Variants in GYS1 observed in about 807,000 individuals in gnomAD.
The protein encoded by GYS1 is glycogen [starch] synthase, muscle.
A neutral mutation model predicts 89.1 loss-of-function variants in GYS1; 60 were observed. The ratio of observed to expected loss-of-function variants is 0.67; its 90% confidence interval spans 0.55 to 0.84. GYS1 has a LOEUF of 0.84. GYS1 is among the 40% of genes least tolerant of loss of function. The pLI is 0.00. For synonymous variants in GYS1, 366 were observed against 401.7 expected, an observed-to-expected ratio of 0.91 and a Z score of 1.06; for missense variants, 888 against 1,003.1, an observed-to-expected ratio of 0.89 and a Z score of 1.55.
At chr19:48,988,012 C>T (rs1184163724) in intron 2 of GYS1, among the ~76,000 whole-genome samples, 1 of 152,180 alleles carries the variant, frequency 6.6e-6, no homozygotes, top group South Asian at 2.1e-4. Flanking sequence ...CTGTGTTAGC[C>T]AGGATGATCT....
chr19:48,971,725 T>C (rs533311362), intron 12 of GYS1, among the ~76,000 whole-genome samples: 35 of 151,814 alleles, frequency 2.3e-4, no homozygotes, highest in Non-Finnish European at 4.0e-4. Context: ...CAGTTAATTA[T>C]TGTATTTTTT....
At chr19:48,972,348 A>G (rs2038579231) in intron 12 of GYS1, among the ~76,000 whole-genome samples, 2 of 151,368 alleles carry the variant, frequency 1.3e-5, no homozygotes, top group Admixed American at 1.3e-4. Flanking sequence ...AAAAAAAAAA[A>G]TCTTTTATAG....
At chr19:48,980,852 C>T (rs1022122559) in intron 8 of GYS1, among the ~76,000 whole-genome samples, 13 of 151,886 alleles carry the variant, frequency 8.6e-5, no homozygotes, top group Non-Finnish European at 1.5e-4. Context: ...TGGTGGCTCA[C>T]GCCTGGAATC....
chr19:48,979,351 T>TC (rs2038714447), intron 8 of GYS1, among the ~76,000 whole-genome samples: 1 of 20,162 alleles, frequency 5.0e-5, no homozygotes, highest in African/African-American at 3.5e-4. Context: ...TTTTTTTTTT[T>TC]TTTTTTTTTT....
At chr19:48,984,490 G>A (rs990508812) in intron 5 of GYS1, among the ~76,000 whole-genome samples, 7 of 150,586 alleles carry the variant, frequency 4.6e-5, no homozygotes, top group African/African-American at 1.7e-4. Flanking sequence ...CCGCCTCCTG[G>A]GTTCAAGTGA....
At chr19:48,992,929 C>CA (rs1333897997) in intron 1 of GYS1, 66 bp downstream of exon 1, 5 of 915,266 alleles carry the variant, frequency 5.5e-6, no homozygotes, top group Non-Finnish European at 5.5e-6. Flanking sequence ...TCCTACAACT[C>CA]AGAGTTCCGG....
At chr19:48,989,427 A>T (rs2038888733) in intron 2 of GYS1, among the ~76,000 whole-genome samples, 1 of 148,630 alleles carries the variant, frequency 6.7e-6, no homozygotes, top group South Asian at 2.2e-4. Context: ...GGTTGCAGTG[A>T]GTCGAGATTG....
chr19:48,970,808 G>T, intron 13 of GYS1, 99 bp from the exon 14 acceptor site: 6 of 1,421,666 alleles, frequency 4.2e-6, no homozygotes, highest in Non-Finnish European at 6.0e-6. Flanking sequence ...CCAGCGGCCC[G>T]AGAGCCCCCC....
At chr19:48,977,482 A>G (rs552117622) in intron 10 of GYS1, among the ~76,000 whole-genome samples, 4 of 152,122 alleles carry the variant, frequency 2.6e-5, no homozygotes, top group African/African-American at 9.6e-5. Flanking sequence ...AATCCCAGGT[A>G]CTTGGGAGGC....
intron 5 of GYS1, among the ~76,000 whole-genome samples, chr19:48,983,738 T>C (rs888997798): frequency 9.2e-5 from 14 of 152,160 alleles, no homozygotes; most frequent in African/African-American, 3.4e-4. Context: ...AGTTCTGACC[T>C]AACCTTTCTC....
In GYS1 at chr19:48,970,646, AAGG is replaced by A; in HGVS notation, c.1706_1708del (p.Ser569del). The A allele has an allele frequency of 6.2e-7, 1 of 1,613,932 alleles. No homozygotes were observed. Among genetic ancestry groups the A allele is most frequent in the Non-Finnish European group, 8.5e-7 (1 of 1,179,922 alleles). On this transcript the variant is annotated inframe_deletion, in exon 14 of 16. Coordinates refer to ENST00000323798, the MANE Select transcript of GYS1 (RefSeq NM_002103.5). ...GCTCTGCTGACAGAAACTGTAGAGG[AAGG>A]AGGTGAGCTGCGAGCAGGAATCATC...
intron 2 of GYS1, among the ~76,000 whole-genome samples, chr19:48,989,715 G>A (rs532736238): frequency 2.6e-4 from 40 of 152,136 alleles, no homozygotes; most frequent in African/African-American, 8.4e-4. Flanking sequence ...ATGAGCCACC[G>A]CCCTCGGCCA....
At chr19:48,972,526 T>A (rs1388875430) in intron 12 of GYS1, among the ~76,000 whole-genome samples, 1 of 151,988 alleles carries the variant, frequency 6.6e-6, no homozygotes, top group Non-Finnish European at 1.5e-5. Flanking sequence ...TCGCCCAGGC[T>A]GGAGTGCAGT....
Position 48,982,336 on chromosome 19 carries a change from A to G in GYS1, c.981T>C (p.Phe327=), listed in dbSNP as rs777163673. The G allele has an allele frequency of 3.1e-6, 5 of 1,613,894 alleles. No individual in the cohort carries two copies. The highest frequency in any genetic ancestry group is 3.3e-4 in the Middle Eastern group (2 of 6,062). ...DFNLDKTLYF[F]IAGRYEFSNK... ...TGGAGAACTCATAGCGGCCGGCGAT[A>G]AAGAAGTATAAGGTCTTGTCCAAGT... Residue 327 remains phenylalanine (F), a synonymous_variant, in exon 7 of 16, where the codon TTT becomes TTC. Transcript: ENST00000323798.
intron 12 of GYS1, among the ~76,000 whole-genome samples, chr19:48,973,184 C>T (rs955314820): frequency 6.6e-6 from 1 of 152,138 alleles, no homozygotes; most frequent in Non-Finnish European, 1.5e-5. Context: ...TTCCTGCACC[C>T]TCACATACTT....
chr19:48,975,606 G>A (rs1317652216), intron 10 of GYS1, among the ~76,000 whole-genome samples: 1 of 152,070 alleles, frequency 6.6e-6, no homozygotes, highest in African/African-American at 2.4e-5. Flanking sequence ...TTTGGAGACT[G>A]CTGGGAGTTG....
At position 48,991,662 on chromosome 19, in the gene GYS1, G is replaced by T; in HGVS notation, c.119-179C>A. On this transcript the variant is annotated intron_variant, in intron 1 of 15. Coordinates refer to ENST00000323798, the MANE Select transcript of GYS1 (RefSeq NM_002103.5). This position sits in a 1 kb window ranked among gnomAD's most constrained non-coding sequence, Gnocchi z 4.7. ...TTGGAAGCTTGGATGAGGGGAACAC[G>T]AGGGCTGGAGGGCAGTCCTCCTGGG... The T allele has an allele frequency of 1.6e-6, 1 of 640,478 alleles. No individual in the cohort carries two copies. Among genetic ancestry groups the T allele is most frequent in the African/African-American group, 1.8e-5 (1 of 54,944 alleles). 39.7% of individuals were successfully genotyped at this position (640,478 alleles called of 1,614,324 possible).
chr19:48,991,966 G>C lies in GYS1; in HGVS notation c.119-483C>G, dbSNP rs2038938992. Among the ~76,000 whole-genome samples, 1 of 152,078 alleles carries C rather than the reference G, an allele frequency of 6.6e-6. No homozygotes were observed. Among genetic ancestry groups the C allele is most frequent in the African/African-American group, 2.4e-5 (1 of 41,370 alleles). On this transcript the variant is annotated intron_variant, in intron 1 of 15. Coordinates refer to ENST00000323798, the MANE Select transcript of GYS1 (RefSeq NM_002103.5). The surrounding 1 kb of genome is among the most constrained non-coding windows in gnomAD (Gnocchi z 4.7). Reference sequence around the variant, plus strand: ...TCCAGCTTCTCACCATTGCCCAAGAGAAGCCTGCATGGTCATTCCCTGCCC... The same window carrying C: ...TCCAGCTTCTCACCATTGCCCAAGACAAGCCTGCATGGTCATTCCCTGCCC...
chr19:48,975,747 GA>G (rs1227835354), intron 10 of GYS1, among the ~76,000 whole-genome samples: 1 of 151,694 alleles, frequency 6.6e-6, no homozygotes. Flanking sequence ...CTAACACGGT[GA>G]AACCCCGTCT....
Sources: allele counts gnomAD v4.1 joint callset (sites outside exome capture counted in the v4.1 genomes callset), GRCh38; gene constraint gnomAD v4.1.1; non-coding constraint Gnocchi (gnomAD v3.1); transcripts MANE v1.5; gene names NCBI Gene and HGNC (gene_info 2026-07-23, HGNC 2026-07-21).